SHB: variants seen among roughly 807,000 people sequenced by gnomAD.
The protein encoded by SHB is SH2 domain-containing adapter protein B.
SHB carries 20 observed loss-of-function variants against 52.3 expected under a neutral mutation model. The ratio of observed to expected loss-of-function variants is 0.38; its 90% CI spans 0.27 to 0.56. The LOEUF (loss-of-function observed/expected upper bound fraction) is 0.56. Among genes scored for constraint, SHB ranks in the 20% least tolerant of loss-of-function variants. The pLI, the probability that SHB is intolerant of heterozygous loss-of-function variation, is 0.71. For missense variants in SHB, 825 were observed against 723.3 expected (o/e 1.14, Z -1.61); for synonymous variants, 397 against 316.5 (o/e 1.25, Z -2.70).
rs973480641 is a variant in SHB at position 37,995,490 on chromosome 9, T to C, written c.838+20521A>G. Among the ~76,000 whole-genome samples, 50 of 149,874 alleles carry C rather than the reference T, an allele frequency of 3.3e-4. 1 individual carries two copies. Among genetic ancestry groups the C allele is most frequent in the Admixed American group, 6.7e-4 (10 of 14,976 alleles). On this transcript the variant is annotated intron_variant, in intron 2 of 5. Coordinates refer to ENST00000377707, the MANE Select transcript of SHB (RefSeq NM_003028.3). Reference sequence around the variant, plus strand: ...GCCACTGTCAGTCAGTCTGGAAAAATGCTCCTCCACAGGCCAGCCTGGGTC... The same window carrying C: ...GCCACTGTCAGTCAGTCTGGAAAAACGCTCCTCCACAGGCCAGCCTGGGTC...
intron 5 of SHB, among the ~76,000 whole-genome samples, chr9:37,947,324 A>AC (rs1356124062): frequency 6.6e-6 from 1 of 152,154 alleles, no homozygotes; most frequent in Non-Finnish European, 1.5e-5. Context: ...CAGGCTCACT[A>AC]CCTTGAGGCA....
intron 2 of SHB, among the ~76,000 whole-genome samples, chr9:37,981,606 T>G (rs1820725247): frequency 6.6e-6 from 1 of 152,208 alleles, no homozygotes; most frequent in Non-Finnish European, 1.5e-5. Flanking sequence ...CCTGGCTAAC[T>G]ATTCGGTGCA....
rs1318618698 is a variant in SHB, at chr9:38,049,827, C to G, written c.717+18102G>C. Reference sequence around the variant, plus strand: ...TTTTTTTTTTTTTTGGAGACAGAGTCTTGCTCTTGTTGCCCAGGCTGGAGT... The same window carrying G: ...TTTTTTTTTTTTTTGGAGACAGAGTGTTGCTCTTGTTGCCCAGGCTGGAGT... On this transcript the variant is annotated intron_variant, in intron 1 of 5. Coordinates refer to ENST00000377707, the MANE Select transcript of SHB (RefSeq NM_003028.3). Among the ~76,000 whole-genome samples the G allele has an allele frequency of 2.1e-5, 3 of 145,992 alleles. 1 individual carries two copies. Among genetic ancestry groups the G allele is most frequent in the African/African-American group, 7.6e-5 (3 of 39,464 alleles).
chr9:37,942,941 A>T (rs1178121032), intron 5 of SHB, among the ~76,000 whole-genome samples: 1 of 152,098 alleles, frequency 6.6e-6, no homozygotes, highest in African/African-American at 2.4e-5. Flanking sequence ...AGAAGCTGGC[A>T]TCCCTCCTCG....
chr9:38,035,434 T>C (rs1821472949), intron 1 of SHB, among the ~76,000 whole-genome samples: 1 of 151,958 alleles, frequency 6.6e-6, no homozygotes, highest in South Asian at 2.1e-4. Flanking sequence ...AGCATAGGAC[T>C]GGGGATAGGG....
intron 1 of SHB, among the ~76,000 whole-genome samples, chr9:38,026,962 A>G (rs1821350132): frequency 1.3e-5 from 2 of 152,072 alleles, no homozygotes. Flanking sequence ...CCCAGGGGAG[A>G]TGGGCATTAT....
intron 4 of SHB, among the ~76,000 whole-genome samples, chr9:37,952,742 C>T (rs1832580333): frequency 7.9e-5 from 12 of 151,160 alleles, no homozygotes; most frequent in Admixed American, 7.3e-4. Flanking sequence ...AAGATGATGA[C>T]GGGTTTGTGG....
chr9:37,998,501 G>A (rs1377616300), intron 2 of SHB, among the ~76,000 whole-genome samples: 2 of 152,194 alleles, frequency 1.3e-5, no homozygotes, highest in African/African-American at 4.8e-5. Context: ...CACCTAGGCT[G>A]GAGTGCCGTG....
chr9:37,971,216 C>T (rs1820586923), intron 3 of SHB, among the ~76,000 whole-genome samples: 1 of 152,204 alleles, frequency 6.6e-6, no homozygotes. Flanking sequence ...TACACACCCA[C>T]ACACATGCAG....
At chr9:38,055,535 C>G in intron 1 of SHB, among the ~76,000 whole-genome samples, 1 of 152,068 alleles carries the variant, frequency 6.6e-6, no homozygotes, top group South Asian at 2.1e-4. Flanking sequence ...CAGGCCACAC[C>G]TTCAAATCCT....
intron 1 of SHB, among the ~76,000 whole-genome samples, chr9:38,060,434 G>A (rs1048735088): frequency 2.0e-5 from 3 of 151,734 alleles, no homozygotes; most frequent in Non-Finnish European, 4.4e-5. Flanking sequence ...GCCTCCCAAT[G>A]TGCTGGGATT....
At chr9:38,004,913 G>A (rs1334389748) in intron 2 of SHB, among the ~76,000 whole-genome samples, 1 of 152,236 alleles carries the variant, frequency 6.6e-6, no homozygotes, top group Non-Finnish European at 1.5e-5. Flanking sequence ...CCAGTTCTGG[G>A]AGCTGAGAGA....
intron 5 of SHB, among the ~76,000 whole-genome samples, chr9:37,922,226 G>A (rs1832190331): frequency 6.6e-6 from 1 of 152,224 alleles, no homozygotes; most frequent in Non-Finnish European, 1.5e-5. Context: ...AGGGGAACAA[G>A]CCAGTTTCAT....
intron 5 of SHB, among the ~76,000 whole-genome samples, chr9:37,940,190 C>G (rs1341648169): frequency 6.6e-6 from 1 of 152,226 alleles, no homozygotes; most frequent in Non-Finnish European, 1.5e-5. Flanking sequence ...ATCACCAAAG[C>G]ACCAGGCTCA....
intron 5 of SHB, among the ~76,000 whole-genome samples, chr9:37,932,879 C>A (rs117900889): frequency 6.6e-6 from 1 of 152,172 alleles, no homozygotes; most frequent in Non-Finnish European, 1.5e-5. Flanking sequence ...CCTCCCAAAG[C>A]GCTGGGATTA....
At chr9:38,049,154 G>C (rs948710956) in intron 1 of SHB, among the ~76,000 whole-genome samples, 1 of 152,180 alleles carries the variant, frequency 6.6e-6, no homozygotes, top group Admixed American at 6.5e-5. Context: ...CCAATTAACT[G>C]AGACCACAGA....
chr9:38,023,256 T>C (rs1475628265), intron 1 of SHB, among the ~76,000 whole-genome samples: 1 of 152,230 alleles, frequency 6.6e-6, no homozygotes, highest in African/African-American at 2.4e-5. Context: ...TGCTACACCC[T>C]TGCTGGGTAA....
intron 1 of SHB, among the ~76,000 whole-genome samples, chr9:38,056,083 A>G (rs940198877): frequency 1.1e-4 from 17 of 152,216 alleles, no homozygotes; most frequent in African/African-American, 4.1e-4. Flanking sequence ...GGCCTTCATC[A>G]TCATTATCAT....
At chr9:37,991,636 C>G (rs1820883300) in intron 2 of SHB, among the ~76,000 whole-genome samples, 1 of 152,174 alleles carries the variant, frequency 6.6e-6, no homozygotes, top group Non-Finnish European at 1.5e-5. Context: ...AAAAACACAG[C>G]TACAAGGACA....
Sources: gnomAD v4.1 joint callset for allele counts (sites outside exome capture counted in the v4.1 genomes callset) on GRCh38, gnomAD v4.1.1 for gene constraint, MANE v1.5 for transcripts, NCBI Gene and HGNC (gene_info 2026-07-23, HGNC 2026-07-21) for gene names.